Variants in GSTA4 observed in about 807,000 individuals in gnomAD.
The protein encoded by GSTA4 is glutathione S-transferase alpha 4.
In GSTA4, 15 loss-of-function variants were observed where a neutral mutation model predicts 24.4. That is an observed-to-expected ratio of 0.61 (90% CI 0.41 to 0.95). The LOEUF (loss-of-function observed/expected upper bound fraction) is 0.95, where lower values mean the gene tolerates loss of function less well. Ranked by LOEUF, GSTA4 falls within the 40% of genes least tolerant of loss-of-function variation. The probability of loss-of-function intolerance (pLI) is 0.00; values close to 1 mark genes in which losing one functional copy is unlikely to be tolerated. For synonymous variants in GSTA4, 92 were observed against 94.2 expected (o/e 0.98, Z 0.13); for missense variants, 244 against 262.1 (o/e 0.93, Z 0.48).
chr6:52,991,756 C>T (rs1289752401), intron 2 of GSTA4, among the ~76,000 whole-genome samples: 1 of 130,124 alleles, frequency 7.7e-6, no homozygotes, highest in African/African-American at 3.0e-5. Flanking sequence ...CTATTAATAC[C>T]TTTTTTTTTT....
intron 2 of GSTA4, 59 bp from the exon 3 acceptor site, chr6:52,987,467 A>G: frequency 1.1e-6 from 1 of 906,918 alleles, no homozygotes; most frequent in East Asian, 2.5e-5. Flanking sequence ...AGCCATTAAG[A>G]AAACAAAATC....
At position 52,982,722 on chromosome 6, in the gene GSTA4, T is replaced by C; in HGVS notation, c.415-17A>G. On this transcript the variant is annotated splice_polypyrimidine_tract_variant and intron_variant, in intron 5 of 6. Coordinates refer to ENST00000370963, the MANE Select transcript of GSTA4 (RefSeq NM_001512.4). ...CCTTAAAATCTGTAGGGAAATGGTG[T>C]GCATCAGTTACAATATTCCACATGG... is the stretch of plus-strand genomic sequence containing the variant. 4.4e-6 allele frequency: 7 copies of C among 1,603,036 alleles called. No individual in the cohort carries two copies. Among genetic ancestry groups the C allele is most frequent in the Non-Finnish European group, 6.0e-6 (7 of 1,170,464 alleles).
At chr6:52,987,173 A>T (rs1763578026) in intron 3 of GSTA4, among the ~76,000 whole-genome samples, 184 bp downstream of exon 3, 1 of 152,172 alleles carries the variant, frequency 6.6e-6, no homozygotes, top group South Asian at 2.1e-4. Context: ...GCCAGCTTTT[A>T]TGGAACTATT....
chr6:52,990,442 A>G lies in GSTA4; in HGVS notation c.88-3034T>C, dbSNP rs1763641809. Among the ~76,000 whole-genome samples, 4 of 152,166 alleles carry G rather than the reference A, an allele frequency of 2.6e-5. No homozygotes were observed. The South Asian group carries it at 8.3e-4, about 32-fold the overall frequency. ...GCCCCTCCCCACCACCTTGTAAACC[A>G]TGTGGTCACCCTGGGAGAGAGACCA... On this transcript the variant is annotated intron_variant, in intron 2 of 6. Coordinates refer to ENST00000370963, the MANE Select transcript of GSTA4 (RefSeq NM_001512.4).
intron 3 of GSTA4, among the ~76,000 whole-genome samples, chr6:52,986,625 T>A (rs1477546417): frequency 1.3e-5 from 2 of 152,028 alleles, no homozygotes; most frequent in East Asian, 3.9e-4. Flanking sequence ...GCCTTGAGGG[T>A]TTGAGCATTC....
At chr6:52,981,220 T>C (rs1251825873) in intron 6 of GSTA4, among the ~76,000 whole-genome samples, 1 of 152,246 alleles carries the variant, frequency 6.6e-6, no homozygotes, top group Non-Finnish European at 1.5e-5. Context: ...TGGTGGTAAT[T>C]GCTCTCATTA....
chr6:52,992,213 C>A (rs1485269776), intron 2 of GSTA4, among the ~76,000 whole-genome samples: 2 of 152,076 alleles, frequency 1.3e-5, no homozygotes, highest in African/African-American at 4.8e-5. Context: ...TGAAAGAGCA[C>A]CAGTGGCTAA....
intron 2 of GSTA4, 58 bp from the exon 3 acceptor site, chr6:52,987,466 G>T: frequency 1.1e-6 from 1 of 916,058 alleles, no homozygotes; most frequent in Non-Finnish European, 1.7e-6. Context: ...CAGCCATTAA[G>T]AAAACAAAAT....
chr6:52,988,184 C>G (rs1295119487), intron 2 of GSTA4, among the ~76,000 whole-genome samples: 5 of 151,688 alleles, frequency 3.3e-5, no homozygotes, highest in African/African-American at 1.2e-4. Context: ...AAGGGGAATC[C>G]CTACCAAATC....
chr6:52,980,374 G>A (rs535296078), intron 6 of GSTA4, among the ~76,000 whole-genome samples: 43 of 150,872 alleles, frequency 2.9e-4, no homozygotes, highest in African/African-American at 9.0e-4. Context: ...GCATGATCTC[G>A]GCTCACTGCA....
At chr6:52,981,090 T>C (rs1350605720) in intron 6 of GSTA4, among the ~76,000 whole-genome samples, 1 of 151,982 alleles carries the variant, frequency 6.6e-6, no homozygotes, top group Admixed American at 6.6e-5. Flanking sequence ...AATCTCTGTG[T>C]CTGCAAAAGT....
At chr6:52,986,047 GA>G (rs142642672) in intron 3 of GSTA4, among the ~76,000 whole-genome samples, 8 of 147,698 alleles carry the variant, frequency 5.4e-5, no homozygotes, top group South Asian at 4.3e-4. Flanking sequence ...ACTCTACCTC[GA>G]AAAAAAAAAG....
rs1581911284 is a variant in GSTA4 at position 52,985,673 on chromosome 6, G to C, written c.140-90C>G. On this transcript the variant is annotated intron_variant, in intron 3 of 6. Coordinates refer to ENST00000370963, the MANE Select transcript of GSTA4 (RefSeq NM_001512.4). ...GCTCTGTGGAATGAAAAGAAACGGTGGAATCATGGCCTTAGGAAATAGTGT... is the reference window on the plus strand; with the variant it reads ...GCTCTGTGGAATGAAAAGAAACGGTCGAATCATGGCCTTAGGAAATAGTGT... 4 of 1,280,370 alleles carry C rather than the reference G, an allele frequency of 3.1e-6. No individual in the cohort carries two copies. In the East Asian group the frequency reaches 9.2e-5, roughly 29 times the overall value. 79.3% of individuals were successfully genotyped at this position (1,280,370 alleles called of 1,614,324 possible).
rs1467424688 is a variant in GSTA4 at position 52,978,618 on chromosome 6, AGGCT to A, written c.547-30_547-27del. On this transcript the variant is annotated intron_variant, in intron 6 of 6. Coordinates refer to ENST00000370963, the MANE Select transcript of GSTA4 (RefSeq NM_001512.4). ...CTGAAAAAGGAAAACCAAAACTTTA[AGGCT>A]AACAAAAAAGGTATTAGATACTACG... The A allele has an allele frequency of 4.4e-6, 7 of 1,578,914 alleles. No individual in the cohort carries two copies. In the Admixed American group the frequency reaches 7.3e-5, roughly 17 times the overall value.
At chr6:52,982,880 A>AGG (rs1375290358) in intron 5 of GSTA4, among the ~76,000 whole-genome samples, 175 bp from the exon 6 acceptor site, 40 of 118,864 alleles carry the variant, frequency 3.4e-4, no homozygotes, top group African/African-American at 1.1e-3. Flanking sequence ...AGTGAGAGAG[A>AGG]GGGGGAGAGA....
At chr6:52,989,435 G>C (rs1458722180) in intron 2 of GSTA4, among the ~76,000 whole-genome samples, 1 of 152,098 alleles carries the variant, frequency 6.6e-6, no homozygotes, top group African/African-American at 2.4e-5. Flanking sequence ...TTGGGAGGAA[G>C]ACACATGCTG....
At chr6:52,990,839 C>A (rs1763646755) in intron 2 of GSTA4, among the ~76,000 whole-genome samples, 1 of 152,158 alleles carries the variant, frequency 6.6e-6, no homozygotes, top group South Asian at 2.1e-4. Flanking sequence ...TTCCTCTTAA[C>A]AGTTAGCAAA....
intron 2 of GSTA4, among the ~76,000 whole-genome samples, chr6:52,992,823 G>A (rs940402427): frequency 3.3e-5 from 5 of 152,138 alleles, no homozygotes; most frequent in African/African-American, 1.2e-4. Context: ...GCAAAGGGCC[G>A]GGCGTGGTGG....
intron 4 of GSTA4, 77 bp downstream of exon 4, chr6:52,985,374 G>T: frequency 1.5e-6 from 2 of 1,315,898 alleles, no homozygotes; most frequent in Non-Finnish European, 2.1e-6. Flanking sequence ...AGTAAATGTG[G>T]TGTGCTACAG....
Sources: allele counts gnomAD v4.1 joint callset (sites outside exome capture counted in the v4.1 genomes callset), GRCh38; gene constraint gnomAD v4.1.1; transcripts MANE v1.5; gene names NCBI Gene and HGNC (gene_info 2026-07-23, HGNC 2026-07-21).